CHN2: variants seen among roughly 807,000 people sequenced by gnomAD.
The protein encoded by CHN2 is chimerin 2.
A neutral mutation model predicts 56.3 loss-of-function variants in CHN2; 35 were observed. The ratio of observed to expected loss-of-function variants is 0.62; its 90% CI spans 0.47 to 0.82. The LOEUF is 0.82. CHN2 is among the 40% of genes least tolerant of loss of function. The pLI, the probability that CHN2 is intolerant of heterozygous loss-of-function variation, is 0.00. For synonymous variants in CHN2, 210 were observed against 212.8 expected, an observed-to-expected ratio of 0.99 and a Z score of 0.12; for missense variants, 491 against 580.5, an observed-to-expected ratio of 0.85 and a Z score of 1.58.
intron 1 of CHN2, among the ~76,000 whole-genome samples, chr7:29,276,995 T>C (rs771143551): frequency 6.6e-6 from 1 of 152,176 alleles, no homozygotes; most frequent in African/African-American, 2.4e-5. Context: ...CTGATGAAGG[T>C]TGTGGCTCAC....
At chr7:29,490,832 A>G (rs1213927603) in intron 7 of CHN2, among the ~76,000 whole-genome samples, 1 of 152,134 alleles carries the variant, frequency 6.6e-6, no homozygotes, top group Non-Finnish European at 1.5e-5. Flanking sequence ...GTATATGTTG[A>G]AGCTTAATTT....
chr7:29,149,057 G>C (rs1793189572), intron 2 of CHN2, among the ~76,000 whole-genome samples: 1 of 152,166 alleles, frequency 6.6e-6, no homozygotes, highest in African/African-American at 2.4e-5. Context: ...CACCAGGCGT[G>C]TTCAGGGTGG....
chr7:29,214,075 G>A lies in CHN2; in HGVS notation c.49+19085G>A, dbSNP rs191586939. ...GATTCCAAAGATGGTGTTTCTGGAT[G>A]CTGCTAAAGCCCCCTGGTAAATAAA... On this transcript the variant is annotated intron_variant, in intron 1 of 12. Coordinates refer to ENST00000222792, the MANE Select transcript of CHN2 (RefSeq NM_004067.4). Among the ~76,000 whole-genome samples, 7 of 152,308 alleles carry A rather than the reference G, an allele frequency of 4.6e-5. No homozygotes were observed. In the East Asian group the frequency reaches 1.4e-3, roughly 29 times the overall value.
At chr7:29,286,421 G>A (rs929789200) in intron 1 of CHN2, among the ~76,000 whole-genome samples, 1 of 151,964 alleles carries the variant, frequency 6.6e-6, no homozygotes, top group Non-Finnish European at 1.5e-5. Context: ...AGGGGTGCAG[G>A]GAAAGGTGGG....
At chr7:29,389,583 G>A (rs1297369626) in intron 3 of CHN2, among the ~76,000 whole-genome samples, 1 of 152,074 alleles carries the variant, frequency 6.6e-6, no homozygotes, top group Non-Finnish European at 1.5e-5. Context: ...TTTGAGAAGT[G>A]TACCTTTAAG....
At chr7:29,378,784 G>T (rs982115420) in intron 3 of CHN2, among the ~76,000 whole-genome samples, 4 of 152,130 alleles carry the variant, frequency 2.6e-5, no homozygotes, top group African/African-American at 9.7e-5. Flanking sequence ...GCCAACATGG[G>T]GAAACCCCAT....
chr7:29,481,228 TG>T (rs1447118721), intron 7 of CHN2, among the ~76,000 whole-genome samples: 1 of 152,150 alleles, frequency 6.6e-6, no homozygotes, highest in African/African-American at 2.4e-5. Context: ...AGAGTGGAGA[TG>T]GAGGATCCAG....
chr7:29,197,662 T>G (rs1356537045), intron 1 of CHN2, among the ~76,000 whole-genome samples: 1 of 152,234 alleles, frequency 6.6e-6, no homozygotes, highest in Non-Finnish European at 1.5e-5. Flanking sequence ...ATTTTGGGCT[T>G]CATTAAATAA....
In CHN2 at chr7:29,512,797, A is replaced by G; in HGVS notation, c.*62A>G. Reference sequence around the variant, plus strand: ...TCCAAGTTGACACAGCTAAAGGAATAAAAACATTTCTTACCACTTGATTTG... The same window carrying G: ...TCCAAGTTGACACAGCTAAAGGAATGAAAACATTTCTTACCACTTGATTTG... On this transcript the variant is annotated 3_prime_UTR_variant, in exon 13 of 13. Coordinates refer to ENST00000222792, the MANE Select transcript of CHN2 (RefSeq NM_004067.4). 3.3e-6 allele frequency: 5 copies of G among 1,529,030 alleles called. No homozygotes were observed. Among genetic ancestry groups the G allele is most frequent in the Non-Finnish European group, 4.4e-6 (5 of 1,130,168 alleles). The allele number at this position is 1,529,030 out of a possible 1,614,324, so 94.7% of individuals were successfully genotyped here. A position where few individuals can be genotyped will look rare whatever the true frequency, so the allele number is the denominator to read the frequency against.
At chr7:29,269,075 C>T (rs530543471) in intron 1 of CHN2, among the ~76,000 whole-genome samples, 87 of 152,216 alleles carry the variant, frequency 5.7e-4, no homozygotes, top group Non-Finnish European at 1.1e-3. Flanking sequence ...TATTTCAATT[C>T]CACTCTTCTA....
At chr7:29,345,067 G>T (rs10230760) in intron 1 of CHN2, among the ~76,000 whole-genome samples, 48 of 152,280 alleles carry the variant, frequency 3.2e-4, no homozygotes, top group Admixed American at 2.7e-3. Context: ...GCAAGTGGGG[G>T]CTGAACACAG....
At chr7:29,233,447 G>C (rs1786876668) in intron 1 of CHN2, among the ~76,000 whole-genome samples, 1 of 152,176 alleles carries the variant, frequency 6.6e-6, no homozygotes, top group African/African-American at 2.4e-5. Context: ...ACAGTGGTAG[G>C]TAGAAAAATG....
At chr7:29,259,930 C>T (rs1789405524) in intron 1 of CHN2, among the ~76,000 whole-genome samples, 1 of 151,988 alleles carries the variant, frequency 6.6e-6, no homozygotes, top group Admixed American at 6.6e-5. Flanking sequence ...AAATGATTAC[C>T]CCTAGAGGCC....
At chr7:29,290,897 G>C (rs1792553327) in intron 1 of CHN2, among the ~76,000 whole-genome samples, 1 of 152,132 alleles carries the variant, frequency 6.6e-6, no homozygotes, top group African/African-American at 2.4e-5. Context: ...GGAAGTAAAG[G>C]ACACTCAGAG....
chr7:29,354,894 G>C (rs1167259734), intron 2 of CHN2, among the ~76,000 whole-genome samples: 3 of 151,824 alleles, frequency 2.0e-5, no homozygotes, highest in African/African-American at 7.3e-5. Flanking sequence ...GCTTAGAAAA[G>C]AGGGGTGGAC....
chr7:29,495,765 G>A (rs1229929087), intron 7 of CHN2, among the ~76,000 whole-genome samples, 187 bp from the exon 8 acceptor site: 3 of 152,136 alleles, frequency 2.0e-5, no homozygotes, highest in African/African-American at 7.2e-5. Context: ...GGGGCATGGT[G>A]GATCGATGAA....
intron 2 of CHN2, chr7:29,147,106 C>T (rs1456581161): frequency 3.6e-6 from 4 of 1,115,936 alleles, no homozygotes; most frequent in Non-Finnish European, 5.0e-6. Context: ...GTAACCCATC[C>T]AGGGTCACAT....
chr7:29,405,300 T>C (rs1328995784), intron 6 of CHN2, among the ~76,000 whole-genome samples: 2 of 151,898 alleles, frequency 1.3e-5, no homozygotes, highest in African/African-American at 4.8e-5. Flanking sequence ...CATTTCTCCA[T>C]GGGGTCTTTA....
intron 1 of CHN2, among the ~76,000 whole-genome samples, chr7:29,232,099 A>G (rs138195963): frequency 4.1e-4 from 62 of 152,268 alleles, no homozygotes; most frequent in Middle Eastern, 3.4e-3. Context: ...ACCCTGGGCT[A>G]TGGTTGAGAA....
Sources: allele counts gnomAD v4.1 joint callset (sites outside exome capture counted in the v4.1 genomes callset), GRCh38; gene constraint gnomAD v4.1.1; transcripts MANE v1.5; gene names NCBI Gene and HGNC (gene_info 2026-07-23, HGNC 2026-07-21).